The following RERE variants were observed in gnomAD, a reference collection of about 807,000 sequenced individuals.
RERE encodes arginine-glutamic acid dipeptide repeats protein.
In RERE, 40 loss-of-function variants were observed where a neutral mutation model predicts 146.1. That is an observed-to-expected ratio of 0.27 (90% CI 0.21 to 0.36). The LOEUF is 0.36. Ranked by LOEUF, RERE falls within the 10% of genes least tolerant of loss-of-function variation. The pLI is 1.00. For synonymous variants in RERE, 1,003 were observed against 866.0 expected (o/e 1.16, Z -2.78); for missense variants, 1,933 against 2,138.7 (o/e 0.90, Z 1.90).
intron 12 of RERE, among the ~76,000 whole-genome samples, chr1:8,381,487 A>G (rs1343573331): frequency 3.9e-5 from 6 of 152,254 alleles, no homozygotes; most frequent in Non-Finnish European, 5.9e-5. Context: ...AGTTTCAGTG[A>G]TAAGAAATTT....
chr1:8,635,573 T>C (rs1647088073), intron 2 of RERE, among the ~76,000 whole-genome samples: 1 of 152,210 alleles, frequency 6.6e-6, no homozygotes, highest in Non-Finnish European at 1.5e-5. Flanking sequence ...AGTGTTGCTT[T>C]AGCATGCTCC....
At chr1:8,743,540 C>T (rs756449895) in intron 1 of RERE, among the ~76,000 whole-genome samples, 35 of 151,432 alleles carry the variant, frequency 2.3e-4, no homozygotes, top group Admixed American at 4.0e-4. Flanking sequence ...GGATTACAGG[C>T]GTGAACCACC....
At chr1:8,575,762 A>T (rs1646287735) in intron 4 of RERE, among the ~76,000 whole-genome samples, 2 of 151,998 alleles carry the variant, frequency 1.3e-5, no homozygotes, top group South Asian at 4.1e-4. Context: ...AGTGAATGCC[A>T]GTAACAGAAG....
At chr1:8,438,697 C>T (rs1472517839) in intron 11 of RERE, among the ~76,000 whole-genome samples, 2 of 151,810 alleles carry the variant, frequency 1.3e-5, no homozygotes, top group Non-Finnish European at 2.9e-5. Context: ...CTGAGGTTTT[C>T]GTGGAAAGAC....
At chr1:8,476,791 T>G (rs1644762653) in intron 10 of RERE, among the ~76,000 whole-genome samples, 1 of 152,240 alleles carries the variant, frequency 6.6e-6, no homozygotes, top group South Asian at 2.1e-4. Context: ...GTCCTTCGCT[T>G]CTTTCGCTGT....
chr1:8,589,059 G>A (rs982242859), intron 4 of RERE, among the ~76,000 whole-genome samples: 2 of 152,132 alleles, frequency 1.3e-5, no homozygotes, highest in African/African-American at 4.8e-5. Context: ...GGGAGGCGGA[G>A]GTTGCAGTGA....
At chr1:8,505,133 C>T (rs1042972568) in intron 8 of RERE, among the ~76,000 whole-genome samples, 1 of 152,080 alleles carries the variant, frequency 6.6e-6, no homozygotes, top group Non-Finnish European at 1.5e-5. Flanking sequence ...GGGGAAGGAC[C>T]TGGGAATTAA....
intron 2 of RERE, among the ~76,000 whole-genome samples, chr1:8,634,653 G>A (rs1292267054): frequency 5.3e-5 from 8 of 152,088 alleles, no homozygotes; most frequent in Non-Finnish European, 8.8e-5. Flanking sequence ...CCCTTAAATC[G>A]TTGTTGTTTT....
chr1:8,600,758 T>C (rs1646612236), intron 4 of RERE, among the ~76,000 whole-genome samples: 1 of 147,994 alleles, frequency 6.8e-6, no homozygotes, highest in African/African-American at 2.5e-5. Flanking sequence ...TACTTTTTTT[T>C]TTTTTTTTTT....
At chr1:8,483,139 C>T (rs1030663122) in intron 10 of RERE, among the ~76,000 whole-genome samples, 3 of 152,174 alleles carry the variant, frequency 2.0e-5, no homozygotes, top group African/African-American at 7.2e-5. Context: ...TCAGCTTTAC[C>T]CATTAGACTT....
At position 8,694,983 on chromosome 1, in the gene RERE, G is replaced by GGGC. The variant is rs1557486413; in HGVS notation, c.-144-38543_-144-38542insGCC. Among the ~76,000 whole-genome samples, 4 of 124,552 alleles carry GGGC rather than the reference G, an allele frequency of 3.2e-5. 2 individuals carry two copies. The highest frequency in any genetic ancestry group is 5.4e-4 in the East Asian group (2 of 3,694). 81.7% of individuals were successfully genotyped at this position (124,552 alleles called of 152,430 possible). A position where few individuals can be genotyped will look rare whatever the true frequency, so the allele number is the denominator to read the frequency against. On this transcript the variant is annotated intron_variant, in intron 1 of 22. Transcript: ENST00000400908. The stretch of plus-strand genomic sequence containing the variant: ...GCCAAAGAAATCCTAAGGGGGGGGG[G>GGGC]GGAATGCTGGCAGCATCACATTATC...
At chr1:8,725,735 T>C (rs1639950271) in intron 1 of RERE, among the ~76,000 whole-genome samples, 1 of 152,044 alleles carries the variant, frequency 6.6e-6, no homozygotes, top group African/African-American at 2.4e-5. Flanking sequence ...CCAAACCATA[T>C]TTGATGAATT....
At chr1:8,776,969 TC>T (rs1274900917) in intron 1 of RERE, among the ~76,000 whole-genome samples, 1 of 151,950 alleles carries the variant, frequency 6.6e-6, no homozygotes, top group Non-Finnish European at 1.5e-5. Context: ...GCTCAAGCTA[TC>T]CGCCTGTCTC....
chr1:8,685,593 C>T (rs944026301), intron 1 of RERE, among the ~76,000 whole-genome samples: 2 of 152,070 alleles, frequency 1.3e-5, no homozygotes, highest in African/African-American at 2.4e-5. Context: ...AAAAATCAGC[C>T]GGGTGTGGTG....
intron 2 of RERE, among the ~76,000 whole-genome samples, chr1:8,637,081 GAAAAA>G (rs1647111120): frequency 6.6e-6 from 1 of 152,060 alleles, no homozygotes; most frequent in Non-Finnish European, 1.5e-5. Flanking sequence ...TTTTTAAACA[GAAAAA>G]GCTAGGAACA....
At chr1:8,472,153 A>G (rs1427566361) in intron 10 of RERE, among the ~76,000 whole-genome samples, 1 of 152,204 alleles carries the variant, frequency 6.6e-6, no homozygotes, top group Non-Finnish European at 1.5e-5. Context: ...TTCAATAAAG[A>G]GCTAAACTGG....
chr1:8,565,190 A>G (rs1245185439), intron 4 of RERE, among the ~76,000 whole-genome samples: 1 of 152,096 alleles, frequency 6.6e-6, no homozygotes, highest in Non-Finnish European at 1.5e-5. Flanking sequence ...AGTGTATTGT[A>G]CATTTCAAAA....
At chr1:8,511,988 A>C (rs1293550620) in intron 7 of RERE, 3 of 134,936 alleles carry the variant, frequency 2.2e-5, no homozygotes, top group African/African-American at 8.3e-5. Context: ...TAAACATGAC[A>C]GTATCAACAG....
chr1:8,618,585 T>C (rs965598333), intron 3 of RERE, among the ~76,000 whole-genome samples: 7 of 152,194 alleles, frequency 4.6e-5, no homozygotes, highest in African/African-American at 9.7e-5. Flanking sequence ...TGAATGTCCA[T>C]ACACTACACC....
Sources: allele counts gnomAD v4.1 joint callset (sites outside exome capture counted in the v4.1 genomes callset), GRCh38; gene constraint gnomAD v4.1.1; transcripts MANE v1.5; gene names NCBI Gene and HGNC (gene_info 2026-07-23, HGNC 2026-07-21).